Variants in GRB14 observed in about 807,000 individuals in gnomAD.
GRB14 encodes the protein growth factor receptor-bound protein 14.
A neutral mutation model predicts 69.1 loss-of-function variants in GRB14; 38 were observed. The observed-to-expected ratio is 0.55, with a 90% CI of 0.42 to 0.72. The LOEUF (loss-of-function observed/expected upper bound fraction) is 0.72, where lower values mean the gene tolerates loss of function less well. GRB14 is among the 30% of genes least tolerant of loss of function. The probability of loss-of-function intolerance (pLI) is 0.00; values close to 1 mark genes in which losing one functional copy is unlikely to be tolerated. For missense variants in GRB14, 666 were observed against 666.1 expected (o/e 1.00, Z 0.00); for synonymous variants, 247 against 241.3 (o/e 1.02, Z -0.22).
intron 2 of GRB14, among the ~76,000 whole-genome samples, chr2:164,559,150 A>C (rs1174899925): frequency 6.6e-6 from 1 of 152,162 alleles, no homozygotes; most frequent in Non-Finnish European, 1.5e-5. Context: ...TTATTTCATA[A>C]ACTTATAATA....
At chr2:164,570,621 A>G (rs1454519030) in intron 2 of GRB14, among the ~76,000 whole-genome samples, 1 of 152,160 alleles carries the variant, frequency 6.6e-6, no homozygotes, top group Non-Finnish European at 1.5e-5. Flanking sequence ...TGCTTTGAAA[A>G]GTGAATAGAG....
chr2:164,589,478 C>T (rs985401036), intron 2 of GRB14, among the ~76,000 whole-genome samples: 2 of 152,098 alleles, frequency 1.3e-5, no homozygotes, highest in Non-Finnish European at 2.9e-5. Context: ...CCCCAGGCTG[C>T]TTCCACTAAT....
chr2:164,541,315 T>C (rs934456725), intron 3 of GRB14, among the ~76,000 whole-genome samples: 2 of 151,760 alleles, frequency 1.3e-5, no homozygotes, highest in African/African-American at 4.8e-5. Context: ...GTTTAAAAAA[T>C]ACAAAAATTA....
chr2:164,576,287 T>C (rs1204409972), intron 2 of GRB14, among the ~76,000 whole-genome samples: 2 of 149,608 alleles, frequency 1.3e-5, no homozygotes, highest in Non-Finnish European at 3.0e-5. Context: ...AACAAGAGAA[T>C]TAAAAAGTAG....
At chr2:164,504,795 A>G (rs1687148305) in intron 8 of GRB14, among the ~76,000 whole-genome samples, 1 of 152,154 alleles carries the variant, frequency 6.6e-6, no homozygotes, top group African/African-American at 2.4e-5. Flanking sequence ...AAGGTTGTCA[A>G]TCAGCTGATT....
intron 2 of GRB14, among the ~76,000 whole-genome samples, chr2:164,600,195 A>G (rs1238772889): frequency 6.6e-6 from 1 of 152,214 alleles, no homozygotes; most frequent in Non-Finnish European, 1.5e-5. Flanking sequence ...TGTGTGATCT[A>G]CTTCAGCAAC....
At chr2:164,523,033 T>A (rs76776458) in intron 5 of GRB14, among the ~76,000 whole-genome samples, 85 of 152,040 alleles carry the variant, frequency 5.6e-4, no homozygotes, top group African/African-American at 2.0e-3. Flanking sequence ...CCCTGCAGGA[T>A]GAGACACCAT....
intron 2 of GRB14, among the ~76,000 whole-genome samples, chr2:164,619,008 A>T (rs1428370168): frequency 6.6e-6 from 1 of 152,140 alleles, no homozygotes; most frequent in African/African-American, 2.4e-5. Flanking sequence ...TTCCCCTCCA[A>T]ATGTACAGCC....
intron 2 of GRB14, among the ~76,000 whole-genome samples, chr2:164,548,316 C>G (rs1019897646): frequency 6.6e-6 from 1 of 152,198 alleles, no homozygotes; most frequent in Non-Finnish European, 1.5e-5. Flanking sequence ...CCTCTGGGTT[C>G]ATCCATGTTG....
chr2:164,575,582 T>G (rs1689232408), intron 2 of GRB14, among the ~76,000 whole-genome samples: 1 of 152,140 alleles, frequency 6.6e-6, no homozygotes, highest in Non-Finnish European at 1.5e-5. Context: ...ATAAACTGAC[T>G]GCTTTGCTAA....
intron 13 of GRB14, among the ~76,000 whole-genome samples, 162 bp from the exon 14 acceptor site, chr2:164,493,344 C>T (rs1478167971): frequency 6.6e-6 from 1 of 151,980 alleles, no homozygotes; most frequent in Admixed American, 6.6e-5. Flanking sequence ...TTTTTAACAT[C>T]ACTTGCATTT....
intron 3 of GRB14, among the ~76,000 whole-genome samples, chr2:164,527,463 AAC>A (rs1331285904): frequency 1.3e-5 from 2 of 151,682 alleles, no homozygotes; most frequent in African/African-American, 2.4e-5. Flanking sequence ...TAAGTTTGAT[AAC>A]ACATCTGCAT....
chr2:164,619,657 T>A (rs1690395758), intron 2 of GRB14, 30 bp downstream of exon 2: 3 of 1,521,638 alleles, frequency 2.0e-6, no homozygotes, highest in Non-Finnish European at 2.7e-6. Context: ...CTCCTAAGAT[T>A]TTTGAAATTT....
At chr2:164,496,834 A>T (rs1686912514) in intron 12 of GRB14, among the ~76,000 whole-genome samples, 174 bp downstream of exon 12, 1 of 152,200 alleles carries the variant, frequency 6.6e-6, no homozygotes, top group Non-Finnish European at 1.5e-5. Context: ...ACTATGTACC[A>T]GGTATAATAT....
At position 164,526,489 on chromosome 2, in the gene GRB14, G is replaced by A. The variant is rs972790204; in HGVS notation, c.603+525C>T. On this transcript the variant is annotated intron_variant, in intron 4 of 13. Transcript: ENST00000263915. ...TACTTAGTTCAAAAATTACTGCACCGAAAACAAAATAATTTGGAATAGCAA... is the reference window on the plus strand; with the variant it reads ...TACTTAGTTCAAAAATTACTGCACCAAAAACAAAATAATTTGGAATAGCAA... Among the ~76,000 whole-genome samples the A allele has an allele frequency of 1.6e-4, 24 of 151,648 alleles. No individual in the cohort carries two copies. The South Asian group carries it at 2.7e-3, about 17-fold the overall frequency.
intron 2 of GRB14, among the ~76,000 whole-genome samples, chr2:164,556,722 C>T (rs534850588): frequency 1.3e-5 from 2 of 152,248 alleles, no homozygotes; most frequent in African/African-American, 4.8e-5. Context: ...CAGCTTAGGT[C>T]CAGGCCCTTT....
intron 8 of GRB14, among the ~76,000 whole-genome samples, chr2:164,503,377 A>G (rs994515487): frequency 7.0e-6 from 1 of 143,742 alleles, no homozygotes; most frequent in Admixed American, 7.2e-5. Context: ...CTGTTTTTCT[A>G]CTAAAGAAAA....
chr2:164,544,974 T>C (rs952811907), intron 3 of GRB14, among the ~76,000 whole-genome samples: 7 of 152,216 alleles, frequency 4.6e-5, no homozygotes, highest in Admixed American at 1.3e-4. Flanking sequence ...CATTTTTAAT[T>C]CCATTTCATA....
In GRB14 at chr2:164,497,387, CCTT is replaced by C. The variant is rs1384113192; in HGVS notation, c.1205_1207del (p.Glu402del). 4 of 1,612,888 alleles carry C rather than the reference CCTT, an allele frequency of 2.5e-6. No individual in the cohort carries two copies. The highest frequency in any genetic ancestry group is 2.2e-5 in the South Asian group (2 of 90,976). On this transcript the variant is annotated inframe_deletion, in exon 10 of 14. Transcript: ENST00000263915. ...AGCTACTTGTACCCTCCAAGCGAGT[CCTT>C]CTTCAACCGCAACTGAAAGGGCTTC...
Sources: allele counts gnomAD v4.1 joint callset (sites outside exome capture counted in the v4.1 genomes callset), GRCh38; gene constraint gnomAD v4.1.1; transcripts MANE v1.5; gene names NCBI Gene and HGNC (gene_info 2026-07-23, HGNC 2026-07-21).